The following TMEM138 variants were observed in gnomAD, a reference collection of about 807,000 sequenced individuals.
TMEM138 encodes transmembrane protein 138.
In TMEM138, 9 loss-of-function variants were observed where a neutral mutation model predicts 18.1. The ratio of observed to expected loss-of-function variants is 0.50; its 90% CI spans 0.30 to 0.87. The LOEUF (loss-of-function observed/expected upper bound fraction) is 0.87, where lower values mean the gene tolerates loss of function less well. TMEM138 is among the 40% of genes least tolerant of loss of function. The pLI is 0.06. For synonymous variants in TMEM138, 79 were observed against 74.8 expected, an observed-to-expected ratio of 1.06 and a Z score of -0.29; for missense variants, 189 against 190.6, an observed-to-expected ratio of 0.99 and a Z score of 0.05.
At chr11:61,376,419 T>G (rs1431384884), downstream of TMEM138, among the ~76,000 whole-genome samples, 1 of 152,220 alleles carries the variant, frequency 6.6e-6, no homozygotes, top group African/African-American at 2.4e-5. Flanking sequence ...TGTTGTTAGA[T>G]TCTTGTCTTG....
rs536120944 is a variant in TMEM138, at chr11:61,368,937, C to G, written c.*228C>G. ...CCTTGCCTTCTACCTCTGTTCCACCCCCTTTCCTTCCTTTCCTCTCTGTAC... is the reference window on the plus strand; with the variant it reads ...CCTTGCCTTCTACCTCTGTTCCACCGCCTTTCCTTCCTTTCCTCTCTGTAC... On this transcript the variant is annotated 3_prime_UTR_variant, in exon 5 of 5. Coordinates refer to ENST00000278826, the MANE Select transcript of TMEM138 (RefSeq NM_016464.5). The G allele has an allele frequency of 6.9e-4, 373 of 537,036 alleles. 1 individual carries two copies. The highest frequency in any genetic ancestry group is 1.0e-3 in the Non-Finnish European group (297 of 296,524). The allele number at this position is 537,036 out of a possible 1,614,324, so 33.3% of individuals were successfully genotyped here.
downstream of TMEM138, among the ~76,000 whole-genome samples, chr11:61,373,716 A>T (rs550083365): frequency 7.9e-5 from 12 of 152,234 alleles, no homozygotes; most frequent in African/African-American, 2.9e-4. Context: ...TTGGTATAAA[A>T]ATTATACAGG....
chr11:61,376,525 T>G (rs1858437917), downstream of TMEM138, among the ~76,000 whole-genome samples: 1 of 152,246 alleles, frequency 6.6e-6, no homozygotes, highest in African/African-American at 2.4e-5. Context: ...CATTTTTTTC[T>G]TCTTTTTTCC....
downstream of TMEM138, among the ~76,000 whole-genome samples, chr11:61,375,049 A>G (rs1291128136): frequency 1.3e-5 from 2 of 152,132 alleles, no homozygotes; most frequent in Non-Finnish European, 2.9e-5. Flanking sequence ...TAGAGGAAAA[A>G]CTTTCACGAC....
chr11:61,366,132 C>T lies in TMEM138; in HGVS notation c.216C>T (p.Asn72=), dbSNP rs145939072. ...NTFVFQAGLV[N]LLFHKFKGTI... ...TCGTCTTCCAGGCTGGCCTGGTCAA[C>T]CTCCTATTCCATAAGTTCAAAGGGA... Residue 72 remains asparagine (N), a synonymous_variant, in exon 3 of 5, where the codon AAC becomes AAT. Coordinates refer to ENST00000278826, the MANE Select transcript of TMEM138 (RefSeq NM_016464.5). 3.6e-4 allele frequency: 577 copies of T among 1,614,240 alleles called. 2 individuals are homozygous for T. Among genetic ancestry groups the T allele is most frequent in the Middle Eastern group, 1.2e-3 (7 of 6,062 alleles).
At chr11:61,363,420 G>C (rs1404667390) in intron 1 of TMEM138, 1 of 152,148 alleles carries the variant, frequency 6.6e-6, no homozygotes, top group African/African-American at 2.4e-5. Context: ...AATATGAAAA[G>C]AGCTTATAAA....
In TMEM138 at chr11:61,364,255, C is replaced by A; in HGVS notation, c.-136C>A. 1 of 1,061,406 alleles carries A rather than the reference C, an allele frequency of 9.4e-7. No individual in the cohort carries two copies. The highest frequency in any genetic ancestry group is 1.4e-6 in the Non-Finnish European group (1 of 735,364). 65.7% of individuals were successfully genotyped at this position (1,061,406 alleles called of 1,614,324 possible). Reference sequence around the variant, plus strand: ...GCTTATCTTTTTGCTCCAACAGGTGCTTGCCTTAGAGCAAGGGAAACAGCT... The same window carrying A: ...GCTTATCTTTTTGCTCCAACAGGTGATTGCCTTAGAGCAAGGGAAACAGCT... On this transcript the variant is annotated 5_prime_UTR_variant, in exon 2 of 5. It introduces an in-frame stop codon into an upstream open reading frame of the 5' UTR. Transcript: ENST00000278826.
chr11:61,364,110 ACTT>A, intron 1 of TMEM138, 139 bp from the exon 2 acceptor site: 1 of 270,206 alleles, frequency 3.7e-6, no homozygotes, highest in Non-Finnish European at 7.0e-6. Flanking sequence ...AGAATAAATG[ACTT>A]CTTGGGGGTT....
rs1465026299 is a variant in TMEM138, at chr11:61,368,628, G to A, written c.408G>A (p.Arg136=). 6.2e-7 allele frequency: 1 copy of A among 1,614,014 alleles called. No homozygotes were observed. Among genetic ancestry groups the A allele is most frequent in the Non-Finnish European group, 8.5e-7 (1 of 1,180,008 alleles). The stretch of plus-strand genomic sequence containing the variant: ...TGTTGTACTGCTACTTCTATAAACG[G>A]ACAGCCGTAAGACTAGGCGATCCTC... ...AAVLYCYFYK[R]TAVRLGDPHF... is the part of the protein sequence containing the mutation. The change falls in exon 5 of 5, where the codon CGG becomes CGA. Residue 136 remains arginine, a synonymous_variant. Coordinates refer to ENST00000278826, the MANE Select transcript of TMEM138 (RefSeq NM_016464.5).
chr11:61,366,091 A>G lies in TMEM138; in HGVS notation c.175A>G (p.Met59Val). 6.2e-7 allele frequency: 1 copy of G among 1,613,674 alleles called. No individual in the cohort carries two copies. Among genetic ancestry groups the G allele is most frequent in the Non-Finnish European group, 8.5e-7 (1 of 1,179,746 alleles). ...CTTCAACATCATCATCATTTTCCTC[A>G]TGTTCTTCAACACCTTCGTCTTCCA... ...VLFNIIIIFL[M>V]FFNTFVFQAG... The change falls in exon 3 of 5, where the codon ATG becomes GTG. Residue 59 changes from methionine to valine, a missense_variant. By Grantham distance (21) the Met-to-Val change is conservative. Coordinates refer to ENST00000278826, the MANE Select transcript of TMEM138 (RefSeq NM_016464.5).
At chr11:61,365,355 G>C (rs1171618500) in intron 2 of TMEM138, among the ~76,000 whole-genome samples, 1 of 151,654 alleles carries the variant, frequency 6.6e-6, no homozygotes, top group Non-Finnish European at 1.5e-5. Context: ...CCGCCCCCTG[G>C]GTTCAAGCAA....
chr11:61,375,056 C>T (rs191859903), downstream of TMEM138, among the ~76,000 whole-genome samples: 444 of 152,206 alleles, frequency 2.9e-3, 3 homozygotes, highest in Non-Finnish European at 5.3e-3. Context: ...AAAACTTTCA[C>T]GACTCATGGA....
At position 61,364,716 on chromosome 11, in the gene TMEM138, C is replaced by T. The variant is rs746326974; in HGVS notation, c.128+198C>T. 1.1e-3 allele frequency: 639 copies of T among 562,496 alleles called. 9 individuals carry two copies. Among genetic ancestry groups the T allele is most frequent in the Non-Finnish European group, 3.1e-4 (106 of 338,952 alleles). 34.8% of individuals were successfully genotyped at this position (562,496 alleles called of 1,614,324 possible). On this transcript the variant is annotated intron_variant, in intron 2 of 4. Coordinates refer to ENST00000278826, the MANE Select transcript of TMEM138 (RefSeq NM_016464.5). ...ACCAGCCTAGGCAACATAGCAAGAC[C>T]CTGTCTCTACCTACTAAAAATTTTT...
intron 2 of TMEM138, among the ~76,000 whole-genome samples, chr11:61,365,533 C>T (rs560179267): frequency 1.3e-5 from 2 of 152,180 alleles, no homozygotes; most frequent in African/African-American, 4.8e-5. Context: ...CTGCCCACCT[C>T]GGCCTCCCAA....
intron 2 of TMEM138, chr11:61,365,807 C>A: frequency 2.3e-6 from 1 of 432,602 alleles, no homozygotes; most frequent in Non-Finnish European, 4.1e-6. Flanking sequence ...AGTATTAGAG[C>A]AGGAAAGCCT....
chr11:61,367,706 A>G (rs1858202050), intron 3 of TMEM138: 1 of 538,976 alleles, frequency 1.9e-6, no homozygotes, highest in East Asian at 3.1e-5. Context: ...AGAATAAATA[A>G]CTTAGTTCAT....
chr11:61,371,719 A>G (rs1481518646), downstream of TMEM138, among the ~76,000 whole-genome samples: 1 of 152,214 alleles, frequency 6.6e-6, no homozygotes, highest in Non-Finnish European at 1.5e-5. Context: ...GTTGGGTTAC[A>G]GCTTGATTTT....
chr11:61,366,269 G>A (rs1379948190), intron 3 of TMEM138, 53 bp downstream of exon 3: 17 of 1,569,610 alleles, frequency 1.1e-5, no homozygotes, highest in Non-Finnish European at 1.4e-5. Context: ...AATAGAGGTG[G>A]GGTCTTACTT....
downstream of TMEM138, among the ~76,000 whole-genome samples, chr11:61,374,142 CCT>C (rs1491412703): frequency 2.3e-3 from 340 of 146,632 alleles, no homozygotes; most frequent in South Asian, 5.2e-3. Flanking sequence ...TGCGCCCAGT[CCT>C]TTTTTTTTTT....
Sources: allele counts gnomAD v4.1 joint callset (sites outside exome capture counted in the v4.1 genomes callset), GRCh38; gene constraint gnomAD v4.1.1; transcripts MANE v1.5; gene names NCBI Gene and HGNC (gene_info 2026-07-23, HGNC 2026-07-21).